KCNAB1: variants seen among roughly 807,000 people sequenced by gnomAD.
The protein encoded by KCNAB1 is potassium voltage-gated channel subfamily A regulatory beta subunit 1.
KCNAB1 carries 35 observed loss-of-function variants against 64.6 expected under a neutral mutation model. That is an observed-to-expected ratio of 0.54 (90% CI 0.41 to 0.72). The LOEUF is 0.72. KCNAB1 is among the 30% of genes least tolerant of loss of function. The probability of loss-of-function intolerance (pLI) is 0.00; values close to 1 mark genes in which losing one functional copy is unlikely to be tolerated. For missense variants in KCNAB1, 401 were observed against 512.9 expected, an observed-to-expected ratio of 0.78 and a Z score of 2.11; for synonymous variants, 177 against 183.8, an observed-to-expected ratio of 0.96 and a Z score of 0.30.
intron 1 of KCNAB1, among the ~76,000 whole-genome samples, chr3:156,358,577 A>C (rs1725407421): frequency 6.6e-6 from 1 of 152,194 alleles, no homozygotes; most frequent in Non-Finnish European, 1.5e-5. Context: ...TCTTTTGGGA[A>C]AGGGTAGAGG....
intron 1 of KCNAB1, among the ~76,000 whole-genome samples, chr3:156,348,940 G>A (rs571809342): frequency 6.6e-6 from 1 of 152,248 alleles, no homozygotes; most frequent in East Asian, 1.9e-4. Flanking sequence ...GTATTTTGAT[G>A]CTGTACCTGA....
intron 4 of KCNAB1, 24 bp from the exon 5 acceptor site, chr3:156,459,803 G>A (rs760409376): frequency 6.3e-7 from 1 of 1,585,784 alleles, no homozygotes; most frequent in Non-Finnish European, 8.6e-7. Flanking sequence ...TGCATTCTAA[G>A]ACATTATCTG....
chr3:156,237,699 TAAC>T lies in KCNAB1; in HGVS notation c.275+116815_275+116817del, dbSNP rs374176982. On this transcript the variant is annotated intron_variant, in intron 1 of 13. Coordinates refer to ENST00000490337, the MANE Select transcript of KCNAB1 (RefSeq NM_172160.3). ...TACCTCCTCCAAGTGGCTGTTTTCTTAACATTTGTGCTTCAGGTTAGAGGTCAC... is the reference window on the plus strand; with the variant it reads ...TACCTCCTCCAAGTGGCTGTTTTCTTATTTGTGCTTCAGGTTAGAGGTCAC... Among the ~76,000 whole-genome samples, 79 of 152,328 alleles carry T rather than the reference TAAC, an allele frequency of 5.2e-4. No individual in the cohort carries two copies. The East Asian group carries it at 0.01, about 20-fold the overall frequency.
chr3:156,328,739 T>C (rs1338527921), intron 1 of KCNAB1, among the ~76,000 whole-genome samples: 1 of 152,170 alleles, frequency 6.6e-6, no homozygotes, highest in Non-Finnish European at 1.5e-5. Flanking sequence ...GAGTGCAGTA[T>C]AGCGTAGAAA....
chr3:156,451,974 C>T (rs924584552), intron 2 of KCNAB1, among the ~76,000 whole-genome samples: 2 of 152,162 alleles, frequency 1.3e-5, no homozygotes, highest in African/African-American at 4.8e-5. Flanking sequence ...TCAGTCATAG[C>T]ATTTGTCAAA....
chr3:156,323,039 A>G (rs936462567), intron 1 of KCNAB1, among the ~76,000 whole-genome samples: 1 of 152,184 alleles, frequency 6.6e-6, no homozygotes, highest in African/African-American at 2.4e-5. Context: ...ATCTGCACCA[A>G]TCAGCAACAC....
chr3:156,488,557 G>A (rs1034793077), intron 8 of KCNAB1, among the ~76,000 whole-genome samples: 5 of 152,090 alleles, frequency 3.3e-5, no homozygotes, highest in Non-Finnish European at 1.5e-5. Context: ...AGAAGGAGAC[G>A]AGTTTAGAGA....
intron 1 of KCNAB1, among the ~76,000 whole-genome samples, chr3:156,146,105 T>C (rs549531551): frequency 6.6e-6 from 1 of 152,220 alleles, no homozygotes; most frequent in South Asian, 2.1e-4. Flanking sequence ...ATGTTGTGTT[T>C]CCATGGAGAC....
At chr3:156,246,995 A>T (rs534775653) in intron 1 of KCNAB1, among the ~76,000 whole-genome samples, 1 of 152,224 alleles carries the variant, frequency 6.6e-6, no homozygotes, top group Non-Finnish European at 1.5e-5. Flanking sequence ...CTATCAATGC[A>T]TAAGAAACCA....
chr3:156,132,284 A>G (rs2108266610), intron 1 of KCNAB1, among the ~76,000 whole-genome samples: 1 of 152,202 alleles, frequency 6.6e-6, no homozygotes, highest in Non-Finnish European at 1.5e-5. Context: ...TTGGATCTCA[A>G]CTTTCCTGTT....
intron 2 of KCNAB1, among the ~76,000 whole-genome samples, chr3:156,450,866 C>A (rs1290125723): frequency 6.7e-6 from 1 of 149,702 alleles, no homozygotes; most frequent in Non-Finnish European, 1.5e-5. Context: ...TCCACCCACC[C>A]CCCCCCAAAA....
At chr3:156,218,801 A>AAAAAAAAAAAAAATAAT (rs371264941) in intron 1 of KCNAB1, among the ~76,000 whole-genome samples, 16 of 112,234 alleles carry the variant, frequency 1.4e-4, no homozygotes, top group Non-Finnish European at 2.1e-4. Context: ...AAAAAAAAAA[A>AAAAAAAAAAAAAATAAT]AATAATAATA....
intron 1 of KCNAB1, among the ~76,000 whole-genome samples, chr3:156,365,157 G>A (rs1421357917): frequency 2.0e-5 from 3 of 152,152 alleles, no homozygotes; most frequent in Non-Finnish European, 2.9e-5. Context: ...GACTAACTTG[G>A]CATGGTTTAA....
chr3:156,447,399 A>T (rs1340420526), intron 2 of KCNAB1, among the ~76,000 whole-genome samples: 1 of 152,126 alleles, frequency 6.6e-6, no homozygotes, highest in Non-Finnish European at 1.5e-5. Flanking sequence ...TCACTGTTGC[A>T]TCCCAATAAA....
At chr3:156,512,395 T>C (rs568801188) in intron 8 of KCNAB1, among the ~76,000 whole-genome samples, 95 of 152,394 alleles carry the variant, frequency 6.2e-4, no homozygotes, top group Middle Eastern at 3.4e-3. Flanking sequence ...TCTTACTTGA[T>C]GGCAGAGACA....
intron 1 of KCNAB1, among the ~76,000 whole-genome samples, chr3:156,323,122 T>G (rs1185997579): frequency 6.6e-6 from 1 of 152,198 alleles, no homozygotes; most frequent in East Asian, 1.9e-4. Flanking sequence ...CCTTCTATTA[T>G]TTGACTCCTA....
chr3:156,268,657 A>G (rs1054860071), intron 1 of KCNAB1, among the ~76,000 whole-genome samples: 5 of 152,156 alleles, frequency 3.3e-5, no homozygotes, highest in African/African-American at 7.2e-5. Context: ...CCAGTTTGCC[A>G]TTTATATGTC....
At position 156,143,569 on chromosome 3, in the gene KCNAB1, G is replaced by GTTTT. The variant is rs56216211; in HGVS notation, c.275+22708_275+22711dup. 8 of 297,038 alleles carry GTTTT rather than the reference G, an allele frequency of 2.7e-5. No individual in the cohort carries two copies. The South Asian group carries it at 4.4e-4, about 16-fold the overall frequency. 18.4% of individuals were successfully genotyped at this position (297,038 alleles called of 1,614,324 possible). A position where few individuals can be genotyped will look rare whatever the true frequency, so the allele number is the denominator to read the frequency against. ...AGCCCTCTTCTTGGGTTGCATTCTT[G>GTTTT]TTTTTTTTTTTTTTTTTTTTTTTTT... On this transcript the variant is annotated intron_variant, in intron 1 of 13. Transcript: ENST00000490337.
intron 1 of KCNAB1, among the ~76,000 whole-genome samples, chr3:156,200,672 G>C (rs934437187): frequency 6.6e-6 from 1 of 152,128 alleles, no homozygotes; most frequent in Non-Finnish European, 1.5e-5. Flanking sequence ...CACCAAGCTC[G>C]ATCATCCCAG....
Sources: gnomAD v4.1 joint callset for allele counts (sites outside exome capture counted in the v4.1 genomes callset) on GRCh38, gnomAD v4.1.1 for gene constraint, MANE v1.5 for transcripts, NCBI Gene and HGNC (gene_info 2026-07-23, HGNC 2026-07-21) for gene names.